The following XKR6 variants were observed in gnomAD, a reference collection of about 807,000 sequenced individuals.
The protein encoded by XKR6 is XK related 6, also known as XK-related protein 6.
XKR6 carries 22 observed loss-of-function variants against 56.7 expected under a neutral mutation model. The ratio of observed to expected loss-of-function variants is 0.39; its 90% CI spans 0.28 to 0.55. The LOEUF is 0.55. Ranked by LOEUF, XKR6 falls within the 20% of genes least tolerant of loss-of-function variation. XKR6 has a pLI of 0.66. For missense variants in XKR6, 852 were observed against 889.0 expected, an observed-to-expected ratio of 0.96 and a Z score of 0.53; for synonymous variants, 524 against 387.8, an observed-to-expected ratio of 1.35 and a Z score of -4.13.
chr8:11,115,096 G>C (rs34443137), intron 1 of XKR6, among the ~76,000 whole-genome samples: 1 of 152,082 alleles, frequency 6.6e-6, no homozygotes. Context: ...CAAGAGGTAG[G>C]AGGGCAGTAT....
At chr8:10,903,125 T>A (rs1215015951) in intron 2 of XKR6, among the ~76,000 whole-genome samples, 1 of 152,152 alleles carries the variant, frequency 6.6e-6, no homozygotes, top group Non-Finnish European at 1.5e-5. Flanking sequence ...TCGATGAACA[T>A]GTCTTCAGCC....
intron 1 of XKR6, among the ~76,000 whole-genome samples, chr8:11,098,941 C>G (rs900224749): frequency 2.6e-5 from 4 of 152,160 alleles, no homozygotes; most frequent in African/African-American, 9.7e-5. Flanking sequence ...CTGAATTGAG[C>G]TCATGTAGGT....
At chr8:11,050,315 A>G (rs773015088) in intron 1 of XKR6, among the ~76,000 whole-genome samples, 3 of 152,112 alleles carry the variant, frequency 2.0e-5, no homozygotes, top group Non-Finnish European at 4.4e-5. Flanking sequence ...TGGCATTCAC[A>G]TTAAGTCCTG....
At chr8:10,955,981 C>A (rs1801874584) in intron 1 of XKR6, among the ~76,000 whole-genome samples, 1 of 152,300 alleles carries the variant, frequency 6.6e-6, no homozygotes, top group South Asian at 2.1e-4. Flanking sequence ...AGGGTGAGGG[C>A]AAGACAACAG....
chr8:11,049,970 G>A lies in XKR6; in HGVS notation c.765-125140C>T, dbSNP rs143892989. On this transcript the variant is annotated intron_variant, in intron 1 of 2. Coordinates refer to ENST00000416569, the MANE Select transcript of XKR6 (RefSeq NM_173683.4). ...AAATATAGCGTCCATTGCCTTTCCC[G>A]GGCCCCTCGTGAGGAAATCATATTG... Among the ~76,000 whole-genome samples the A allele has an allele frequency of 2.0e-5, 3 of 152,150 alleles. No individual in the cohort carries two copies. In the East Asian group the frequency reaches 5.8e-4, roughly 29 times the overall value.
Position 10,896,198 on chromosome 8 carries a change from A to G in XKR6, c.*1754T>C, listed in dbSNP as rs1486302197. 6.6e-6 allele frequency: 1 copy of G among 151,986 alleles called. No individual in the cohort carries two copies. Among genetic ancestry groups the G allele is most frequent in the Non-Finnish European group, 1.5e-5 (1 of 67,922 alleles). 9.4% of individuals were successfully genotyped at this position (151,986 alleles called of 1,614,324 possible). A position where few individuals can be genotyped will look rare whatever the true frequency, so the allele number is the denominator to read the frequency against. On this transcript the variant is annotated 3_prime_UTR_variant, in exon 3 of 3. Transcript: ENST00000416569. ...TGCGATTGAAACGATGCCCTAGAAC[A>G]GAAATATTCTTTAAAGGAACAATAC...
At chr8:10,979,883 C>T (rs1342059819) in intron 1 of XKR6, among the ~76,000 whole-genome samples, 1 of 152,178 alleles carries the variant, frequency 6.6e-6, no homozygotes. Flanking sequence ...CTCTGGTCCT[C>T]TTGGTGTTTG....
At chr8:11,084,696 A>T (rs1797829247) in intron 1 of XKR6, among the ~76,000 whole-genome samples, 1 of 152,080 alleles carries the variant, frequency 6.6e-6, no homozygotes, top group Admixed American at 6.5e-5. Flanking sequence ...AATGTGTGGG[A>T]GCTATTTTTT....
chr8:10,964,346 C>T (rs571172390), intron 1 of XKR6, among the ~76,000 whole-genome samples: 2 of 152,304 alleles, frequency 1.3e-5, no homozygotes, highest in South Asian at 2.1e-4. Context: ...GGTTGAACCC[C>T]TCGGGGCTGT....
chr8:10,938,022 ATC>A (rs1013000386), intron 1 of XKR6, among the ~76,000 whole-genome samples: 4 of 151,602 alleles, frequency 2.6e-5, no homozygotes, highest in Non-Finnish European at 5.9e-5. Flanking sequence ...TTGCAGTTTG[ATC>A]TCAGACTGCT....
intron 1 of XKR6, among the ~76,000 whole-genome samples, chr8:11,168,061 A>C (rs1802178255): frequency 6.6e-6 from 1 of 152,178 alleles, no homozygotes; most frequent in Admixed American, 6.5e-5. Flanking sequence ...AACAACAAAA[A>C]AAGCAAACCT....
chr8:11,077,868 C>G lies in XKR6; in HGVS notation c.764+122708G>C, dbSNP rs141015759. Among the ~76,000 whole-genome samples, 13 of 152,232 alleles carry G rather than the reference C, an allele frequency of 8.5e-5. 1 individual carries two copies. In the East Asian group the frequency reaches 1.4e-3, roughly 16 times the overall value. On this transcript the variant is annotated intron_variant, in intron 1 of 2. Transcript: ENST00000416569. The stretch of plus-strand genomic sequence containing the variant: ...GGGGACCCTGGCATGATCATCAGAC[C>G]GGGGACCCAGGGGATCCACAGAAGA...
At chr8:11,051,340 C>T (rs1164407445) in intron 1 of XKR6, among the ~76,000 whole-genome samples, 1 of 152,054 alleles carries the variant, frequency 6.6e-6, no homozygotes, top group Non-Finnish European at 1.5e-5. Context: ...TACTTTCCTT[C>T]CGACCATGGA....
chr8:11,040,207 C>A (rs576124010), intron 1 of XKR6, among the ~76,000 whole-genome samples: 7 of 152,056 alleles, frequency 4.6e-5, no homozygotes, highest in Non-Finnish European at 4.4e-5. Flanking sequence ...CAGGACCCTT[C>A]CTGCCCAAGG....
At chr8:10,969,447 G>A (rs1312820763) in intron 1 of XKR6, among the ~76,000 whole-genome samples, 1 of 152,194 alleles carries the variant, frequency 6.6e-6, no homozygotes, top group Non-Finnish European at 1.5e-5. Flanking sequence ...TGATGGATTT[G>A]ATTCTACATA....
At chr8:11,103,746 T>G in intron 1 of XKR6, among the ~76,000 whole-genome samples, 1 of 152,220 alleles carries the variant, frequency 6.6e-6, no homozygotes, top group Non-Finnish European at 1.5e-5. Flanking sequence ...CAAAAACTTG[T>G]GCTTTCTCTT....
At chr8:11,001,296 T>C (rs1487397093) in intron 1 of XKR6, among the ~76,000 whole-genome samples, 6 of 144,294 alleles carry the variant, frequency 4.2e-5, no homozygotes, top group Non-Finnish European at 7.4e-5. Flanking sequence ...CTCTTCATAA[T>C]GTTGTTTAGG....
intron 2 of XKR6, among the ~76,000 whole-genome samples, chr8:10,921,958 C>G (rs1282272519): frequency 6.6e-6 from 1 of 152,220 alleles, no homozygotes; most frequent in South Asian, 2.1e-4. Context: ...GGACTCCTCT[C>G]TAGCGAATGG....
chr8:11,034,435 G>A (rs1196079593), intron 1 of XKR6, among the ~76,000 whole-genome samples: 3 of 152,170 alleles, frequency 2.0e-5, no homozygotes, highest in Non-Finnish European at 4.4e-5. Flanking sequence ...AGCTGCATGT[G>A]TCTAGAGCTC....
Sources: gnomAD v4.1 joint callset for allele counts (sites outside exome capture counted in the v4.1 genomes callset) on GRCh38, gnomAD v4.1.1 for gene constraint, MANE v1.5 for transcripts, NCBI Gene and HGNC (gene_info 2026-07-23, HGNC 2026-07-21) for gene names.